The following DIS3L variants were observed in gnomAD, a reference collection of about 807,000 sequenced individuals.
The protein encoded by DIS3L is DIS3 like exosome 3'-5' exoribonuclease.
In DIS3L, 100 loss-of-function variants were observed where a neutral mutation model predicts 120.3. The ratio of observed to expected loss-of-function variants is 0.83; its 90% CI spans 0.71 to 0.98. DIS3L has a LOEUF of 0.98. DIS3L is among the 50% of genes least tolerant of loss of function. DIS3L has a pLI of 0.00. For synonymous variants in DIS3L, 426 were observed against 470.6 expected (o/e 0.91, Z 1.23); for missense variants, 1,196 against 1,314.2 (o/e 0.91, Z 1.39).
At chr15:66,325,725 C>T (rs981552547) in intron 11 of DIS3L, 106 bp from the exon 12 acceptor site, 4 of 1,296,216 alleles carry the variant, frequency 3.1e-6, no homozygotes, top group Non-Finnish European at 2.1e-6. Context: ...CATGCCATTG[C>T]ACTCCAGCCT....
At chr15:66,305,311 A>G (rs1253949406) in intron 2 of DIS3L, among the ~76,000 whole-genome samples, 3 of 151,810 alleles carry the variant, frequency 2.0e-5, no homozygotes, top group Non-Finnish European at 2.9e-5. Flanking sequence ...AGTGAAATCT[A>G]TTTCTTGTTT....
intron 9 of DIS3L, 141 bp downstream of exon 9, chr15:66,320,873 C>T: frequency 9.1e-7 from 1 of 1,094,356 alleles, no homozygotes; most frequent in Non-Finnish European, 1.3e-6. Context: ...TCTCAATCCT[C>T]TTTATTCTAT....
intron 7 of DIS3L, among the ~76,000 whole-genome samples, chr15:66,316,613 C>T (rs774256737): frequency 1.6e-4 from 24 of 152,042 alleles, no homozygotes; most frequent in Non-Finnish European, 2.5e-4. Context: ...GTCAGGAGTT[C>T]GAGACCAGCC....
rs144097541 is a variant in DIS3L at position 66,308,722 on chromosome 15, G to A, written c.436G>A (p.Ala146Thr). 3.0e-5 allele frequency: 49 copies of A among 1,611,888 alleles called. No homozygotes were observed. Among genetic ancestry groups the A allele is most frequent in the African/African-American group, 2.7e-4 (20 of 74,860 alleles). ...TTGCTTTTCCAGGAGCATATACAAC[G>A]CAGCTGTTTGGTACTATCATCACTG... ...EKWQTRSIYN[A>T]AVWYYHHCQD... is the part of the protein sequence containing the mutation. The change falls in exon 4 of 17, where the codon GCA becomes ACA. Residue 146 changes from alanine to threonine, a missense_variant. Transcript: ENST00000319212.
chr15:66,322,861 C>A lies in DIS3L; in HGVS notation c.1501C>A (p.Leu501Ile). 6.2e-7 allele frequency: 1 copy of A among 1,614,186 alleles called. No individual in the cohort carries two copies. The highest frequency in any genetic ancestry group is 8.5e-7 in the Non-Finnish European group (1 of 1,180,026). ...VRTLNNGNLE[L>I]GVHIADVTHF... Reference sequence around the variant, plus strand: ...AACCTTAAATAATGGCAACCTGGAACTTGGGGTCCACATCGCAGATGTAAC... The same window carrying A: ...AACCTTAAATAATGGCAACCTGGAAATTGGGGTCCACATCGCAGATGTAAC... Residue 501 changes from leucine to isoleucine, a missense_variant, in exon 10 of 17, where the codon CTT (leucine) becomes ATT (isoleucine). By Grantham distance (5) the Leu-to-Ile change is conservative. Coordinates refer to ENST00000319212, the MANE Select transcript of DIS3L (RefSeq NM_001143688.3).
intron 9 of DIS3L, among the ~76,000 whole-genome samples, chr15:66,322,451 G>A (rs77603161): frequency 0.028 from 4,279 of 152,270 alleles, 195 homozygotes; most frequent in African/African-American, 0.097. Context: ...GGGTCCTCAG[G>A]GGTGTAGGAC....
chr15:66,325,016 C>A (rs1010713398), intron 11 of DIS3L, among the ~76,000 whole-genome samples: 2 of 152,116 alleles, frequency 1.3e-5, no homozygotes, highest in Non-Finnish European at 2.9e-5. Flanking sequence ...AGTTCAGTGC[C>A]ATCCTGTAGG....
At chr15:66,296,081 T>A (rs1292524345) in intron 2 of DIS3L, among the ~76,000 whole-genome samples, 2 of 152,234 alleles carry the variant, frequency 1.3e-5, no homozygotes, top group African/African-American at 4.8e-5. Flanking sequence ...TTGATTTTGT[T>A]CAGACACCAA....
chr15:66,318,668 G>C, intron 8 of DIS3L, 50 bp downstream of exon 8: 1 of 1,567,322 alleles, frequency 6.4e-7, no homozygotes, highest in East Asian at 2.3e-5. Flanking sequence ...TTCTCCTTCT[G>C]TCTTTACCAG....
At position 66,321,860 on chromosome 15, in the gene DIS3L, G is replaced by C. The variant is rs73486051; in HGVS notation, c.1327-827G>C. Among the ~76,000 whole-genome samples the C allele has an allele frequency of 6.7e-3, 1,015 of 151,928 alleles. 14 individuals are homozygous for C. The highest frequency in any genetic ancestry group is 0.023 in the African/African-American group (971 of 41,416). On this transcript the variant is annotated intron_variant, in intron 9 of 16. Transcript: ENST00000319212. ...TCTTGGAATGTAATCCTTAAAGTGA[G>C]ATTACCAAGTCAAAGGGTATAAAAG...
rs78657871 is a variant in DIS3L at position 66,302,108 on chromosome 15, C to T, written c.294-4716C>T. On this transcript the variant is annotated intron_variant, in intron 2 of 16. Coordinates refer to ENST00000319212, the MANE Select transcript of DIS3L (RefSeq NM_001143688.3). ...ATCCCTGGGTCTGCACGGTGGCTCA[C>T]GCCCAGCACGTTGGGAGGCCAAGGC... Among the ~76,000 whole-genome samples the T allele has an allele frequency of 5.1e-3, 773 of 152,114 alleles. 7 individuals carry two copies. Among genetic ancestry groups the T allele is most frequent in the African/African-American group, 0.018 (738 of 41,508 alleles).
intron 5 of DIS3L, among the ~76,000 whole-genome samples, chr15:66,313,272 G>A (rs2092780944): frequency 6.6e-6 from 1 of 151,980 alleles, no homozygotes; most frequent in African/African-American, 2.4e-5. Context: ...GGGATTACAG[G>A]CGTGAGCCAC....
chr15:66,295,047 C>A lies in DIS3L; in HGVS notation c.199C>A (p.Gln67Lys). The A allele has an allele frequency of 6.2e-7, 1 of 1,614,080 alleles. No individual in the cohort carries two copies. The highest frequency in any genetic ancestry group is 1.1e-5 in the South Asian group (1 of 91,046). The change falls in exon 2 of 17, where the codon CAA (glutamine) becomes AAA (lysine). Residue 67 changes from glutamine to lysine, a missense_variant. Gln to Lys is a moderately conservative substitution (Grantham distance 53). Coordinates refer to ENST00000319212, the MANE Select transcript of DIS3L (RefSeq NM_001143688.3). ...CGTGATCCCAGACTGGAAAGTTGTT[C>A]AAGATTATCTTGAGATCCTTGAGTT... ...HYVIPDWKVV[Q>K]DYLEILEFPE...
At chr15:66,332,077 C>A in intron 15 of DIS3L, 57 bp downstream of exon 15, 1 of 1,472,798 alleles carries the variant, frequency 6.8e-7, no homozygotes, top group Non-Finnish European at 9.2e-7. Flanking sequence ...GTGTAGAACA[C>A]AAACTGTACA....
chr15:66,317,246 C>T (rs2092827061), intron 7 of DIS3L, among the ~76,000 whole-genome samples: 2 of 150,676 alleles, frequency 1.3e-5, no homozygotes, highest in African/African-American at 4.9e-5. Flanking sequence ...TTTATATAAA[C>T]CCCTTGAAAT....
chr15:66,330,278 C>T (rs2092986474), intron 14 of DIS3L: 5 of 984,654 alleles, frequency 5.1e-6, no homozygotes, highest in East Asian at 1.1e-4. Context: ...GCCTGGGTGA[C>T]AGAGCGAAAC....
chr15:66,315,070 G>A lies in DIS3L; in HGVS notation c.849G>A (p.Lys283=). 10 of 1,614,078 alleles carry A rather than the reference G, an allele frequency of 6.2e-6. No homozygotes were observed. The highest frequency in any genetic ancestry group is 7.6e-6 in the Non-Finnish European group (9 of 1,180,006). Residue 283 remains lysine, a synonymous_variant, in exon 7 of 17, where the codon AAG becomes AAA. Transcript: ENST00000319212. The part of the protein sequence containing the change: ...LVSDILIHGM[K]ARNRSIHGDV... The stretch of plus-strand genomic sequence containing the variant: ...GTGACATCCTAATCCACGGGATGAA[G>A]GCTCGAAACCGCTCAATTCATGGAG...
chr15:66,321,221 T>A (rs1205978831), intron 9 of DIS3L, among the ~76,000 whole-genome samples: 1 of 152,216 alleles, frequency 6.6e-6, no homozygotes, highest in Non-Finnish European at 1.5e-5. Flanking sequence ...ACATAAAACA[T>A]CAGCTATTTC....
At chr15:66,332,514 G>GTGTATA (rs1436427790) in intron 15 of DIS3L, among the ~76,000 whole-genome samples, 71 of 74,754 alleles carry the variant, frequency 9.5e-4, no homozygotes, top group African/African-American at 2.4e-3. Context: ...GTGTGTGTGT[G>GTGTATA]TATATATATA....
Sources: allele counts gnomAD v4.1 joint callset (sites outside exome capture counted in the v4.1 genomes callset), GRCh38; gene constraint gnomAD v4.1.1; transcripts MANE v1.5; gene names NCBI Gene and HGNC (gene_info 2026-07-23, HGNC 2026-07-21).